The following RIPOR2 variants were observed in gnomAD, a reference collection of about 807,000 sequenced individuals.
The protein encoded by RIPOR2 is rho family-interacting cell polarization regulator 2.
A neutral mutation model predicts 114.5 loss-of-function variants in RIPOR2; 39 were observed. The observed-to-expected ratio is 0.34, with a 90% CI of 0.26 to 0.44. RIPOR2 has a LOEUF of 0.44. RIPOR2 is among the 20% of genes least tolerant of loss of function. RIPOR2 has a pLI of 1.00. For synonymous variants in RIPOR2, 445 were observed against 484.4 expected, an observed-to-expected ratio of 0.92 and a Z score of 1.07; for missense variants, 1,007 against 1,255.1, an observed-to-expected ratio of 0.80 and a Z score of 2.99.
Position 24,990,253 on chromosome 6 carries a change from T to C in RIPOR2, c.76+51598A>G, listed in dbSNP as rs376227063. On this transcript the variant is annotated intron_variant, in intron 1 of 13. Coordinates refer to the RIPOR2 transcript ENST00000510784. ...CAGTGTGCTGAAAAGATAAAGGTCT[T>C]AGTTTCTGGACGTGTCAAAGGACAA... is the stretch of plus-strand genomic sequence containing the variant. Among the ~76,000 whole-genome samples the C allele has an allele frequency of 3.9e-5, 6 of 152,366 alleles. No individual in the cohort carries two copies. The South Asian group carries it at 8.3e-4, about 21-fold the overall frequency.
chr6:24,821,107 A>G (rs1161446976), intron 19 of RIPOR2, among the ~76,000 whole-genome samples: 2 of 151,384 alleles, frequency 1.3e-5, no homozygotes, highest in Non-Finnish European at 2.9e-5. Flanking sequence ...TCCTGACCTC[A>G]GATGATCTGC....
At chr6:24,876,896 T>C in intron 1 of RIPOR2, 1 of 875,250 alleles carries the variant, frequency 1.1e-6, no homozygotes, top group Non-Finnish European at 1.4e-6. Context: ...AGGATGACCC[T>C]GCAACTGTTA....
In RIPOR2 at chr6:24,860,965, A is replaced by G. The variant is rs35730227; in HGVS notation, c.715+8T>C. 0.012 allele frequency: 19,467 copies of G among 1,577,532 alleles called. 180 individuals are homozygous for G. The highest frequency in any genetic ancestry group is 0.025 in the South Asian group (2,227 of 88,868). On this transcript the variant is annotated splice_region_variant and intron_variant, in intron 8 of 21. Transcript: ENST00000643898. ...CTCCTTATTCTCTCTAAACAAGGAA[A>G]ATAATACCTTTCATCTTGATGGAGA... is the stretch of plus-strand genomic sequence containing the variant.
chr6:24,917,410 A>G lies in RIPOR2; in HGVS notation c.61+18428T>C, dbSNP rs555375712. On this transcript the variant is annotated intron_variant, in intron 1 of 21. Transcript: ENST00000643898. ...GGCATACATTTAATCAATATGTATT[A>G]TTGCACAAAGGTATTAAAATAAGTA... Among the ~76,000 whole-genome samples the G allele has an allele frequency of 2.0e-5, 3 of 152,404 alleles. No individual in the cohort carries two copies. In the East Asian group the frequency reaches 5.8e-4, roughly 29 times the overall value.
chr6:24,999,646 C>T (rs1056491585), intron 1 of RIPOR2, among the ~76,000 whole-genome samples: 2 of 151,640 alleles, frequency 1.3e-5, no homozygotes, highest in Admixed American at 6.6e-5. Flanking sequence ...AGCTCCACCT[C>T]CCGGGTTCAC....
intron 1 of RIPOR2, among the ~76,000 whole-genome samples, chr6:25,004,908 C>T (rs920884637): frequency 6.6e-6 from 1 of 151,700 alleles, no homozygotes; most frequent in African/African-American, 2.4e-5. Context: ...TTTTAATTCC[C>T]CATTGTTTTA....
intron 1 of RIPOR2, among the ~76,000 whole-genome samples, chr6:25,001,583 C>T (rs1294602042): frequency 7.8e-5 from 11 of 141,528 alleles, no homozygotes; most frequent in African/African-American, 2.9e-4. Context: ...CAAGATCACG[C>T]CACTGCACTT....
chr6:24,929,792 G>A (rs2114141900), intron 1 of RIPOR2, among the ~76,000 whole-genome samples: 1 of 152,312 alleles, frequency 6.6e-6, no homozygotes, highest in Non-Finnish European at 1.5e-5. Flanking sequence ...ATAGAAGGCA[G>A]GCTGAGCATG....
chr6:24,890,973 C>G (rs1417618432), intron 1 of RIPOR2, among the ~76,000 whole-genome samples: 1 of 151,980 alleles, frequency 6.6e-6, no homozygotes, highest in Non-Finnish European at 1.5e-5. Flanking sequence ...AAAAAATTAC[C>G]TTGGTCTTTC....
chr6:24,993,112 T>A lies in RIPOR2; in HGVS notation c.76+48739A>T, dbSNP rs535997221. Among the ~76,000 whole-genome samples, 10 of 152,348 alleles carry A rather than the reference T, an allele frequency of 6.6e-5. No individual in the cohort carries two copies. The South Asian group carries it at 1.2e-3, about 19-fold the overall frequency. ...ATTTTGTTCAGCATTTCTAATTGTGTTTATTTGATCTTCTCTCTATTCTTT... is the reference window on the plus strand; with the variant it reads ...ATTTTGTTCAGCATTTCTAATTGTGATTATTTGATCTTCTCTCTATTCTTT... On this transcript the variant is annotated intron_variant, in intron 1 of 13. Coordinates refer to the RIPOR2 transcript ENST00000510784.
At chr6:24,874,521 C>T (rs151105929) in intron 2 of RIPOR2, among the ~76,000 whole-genome samples, 210 of 152,308 alleles carry the variant, frequency 1.4e-3, no homozygotes, top group African/African-American at 4.9e-3. Flanking sequence ...GATTTGTTAA[C>T]TGCTGAAACC....
chr6:25,028,081 A>C (rs1776715382), intron 1 of RIPOR2, among the ~76,000 whole-genome samples: 1 of 152,220 alleles, frequency 6.6e-6, no homozygotes, highest in Non-Finnish European at 1.5e-5. Flanking sequence ...CAGGGACTCA[A>C]GCTAGGCATT....
intron 16 of RIPOR2, among the ~76,000 whole-genome samples, chr6:24,831,068 T>TG (rs1255530094): frequency 1.3e-5 from 2 of 152,038 alleles, no homozygotes; most frequent in East Asian, 1.9e-4. Context: ...GGTGTGTATG[T>TG]GGGGGGTCTT....
At chr6:24,967,788 CTG>C (rs1344275345) in intron 1 of RIPOR2, among the ~76,000 whole-genome samples, 1 of 151,968 alleles carries the variant, frequency 6.6e-6, no homozygotes, top group Non-Finnish European at 1.5e-5. Context: ...GATGAGGAAA[CTG>C]AGGTGTAAGA....
intron 1 of RIPOR2, among the ~76,000 whole-genome samples, chr6:25,005,271 T>G (rs1775500499): frequency 6.6e-6 from 1 of 152,202 alleles, no homozygotes. Context: ...CTGACCGGGT[T>G]GTCCGTAGAT....
At chr6:24,810,283 T>A (rs1781058824) in intron 20 of RIPOR2, among the ~76,000 whole-genome samples, 2 of 152,216 alleles carry the variant, frequency 1.3e-5, no homozygotes, top group Admixed American at 1.3e-4. Flanking sequence ...ATTCTGATGA[T>A]CAGCTAAATT....
intron 6 of RIPOR2, among the ~76,000 whole-genome samples, chr6:24,865,994 C>G (rs533578444): frequency 2.0e-5 from 3 of 152,050 alleles, no homozygotes; most frequent in Non-Finnish European, 4.4e-5. Flanking sequence ...GAGGTAGTGT[C>G]ACAATATTAG....
At position 24,805,613 on chromosome 6, in the gene RIPOR2, G is replaced by A. The variant is rs1369511600; in HGVS notation, c.*760C>T. On this transcript the variant is annotated 3_prime_UTR_variant, in exon 22 of 22. Coordinates refer to ENST00000643898, the MANE Select transcript of RIPOR2 (RefSeq NM_001286445.3). ...TTTATTTGAAGATATTCTTTTTTGT[G>A]CTTTGTATTGAAAGTAAAGTTAGGT... 8 of 151,954 alleles carry A rather than the reference G, an allele frequency of 5.3e-5. No homozygotes were observed. Among genetic ancestry groups the A allele is most frequent in the Non-Finnish European group, 1.0e-4 (7 of 67,980 alleles). 9.4% of individuals were successfully genotyped at this position (151,954 alleles called of 1,614,324 possible).
At chr6:25,032,667 C>T (rs1263616126) in intron 1 of RIPOR2, among the ~76,000 whole-genome samples, 4 of 152,168 alleles carry the variant, frequency 2.6e-5, no homozygotes, top group Admixed American at 6.5e-5. Context: ...TGGAGAGTCA[C>T]AGACATCAGG....
Sources: allele counts gnomAD v4.1 joint callset (sites outside exome capture counted in the v4.1 genomes callset), GRCh38; gene constraint gnomAD v4.1.1; transcripts MANE v1.5; gene names NCBI Gene and HGNC (gene_info 2026-07-23, HGNC 2026-07-21).